Variants in GLYATL2 observed in about 807,000 individuals in gnomAD.
GLYATL2 encodes the protein glycine-N-acyltransferase like 2, also known as glycine N-acyltransferase-like protein 2.
In GLYATL2, 25 loss-of-function variants were observed where a neutral mutation model predicts 21.4. That is an observed-to-expected ratio of 1.17 (90% confidence interval 0.85 to 1.63). GLYATL2 has a LOEUF of 1.63. Ranked by LOEUF, GLYATL2 falls within the 40% of genes most tolerant of loss-of-function variation. The pLI is 0.00. For missense variants in GLYATL2, 361 were observed against 343.3 expected, an observed-to-expected ratio of 1.05 and a Z score of -0.41; for synonymous variants, 114 against 118.2, an observed-to-expected ratio of 0.96 and a Z score of 0.23.
chr11:58,837,497 C>T (rs1262900531), intron 3 of GLYATL2, 100 bp from the exon 4 acceptor site: 5 of 1,168,458 alleles, frequency 4.3e-6, no homozygotes, highest in Admixed American at 4.2e-5. Context: ...TTGAAATATT[C>T]TGTTTTTCTG....
At chr11:58,863,179 G>T (rs1248658638) in intron 1 of GLYATL2, among the ~76,000 whole-genome samples, 10 of 152,214 alleles carry the variant, frequency 6.6e-5, no homozygotes, top group African/African-American at 2.4e-4. Context: ...AGGCAGGCAT[G>T]CAGCCTGTAC....
intron 1 of GLYATL2, chr11:58,885,528 A>C (rs1854421525): frequency 2.1e-6 from 1 of 472,922 alleles, no homozygotes; most frequent in Non-Finnish European, 4.3e-6. Context: ...GTTATTATCC[A>C]ACCACCAAAA....
chr11:58,868,139 C>G (rs888878294), intron 1 of GLYATL2, among the ~76,000 whole-genome samples: 2 of 148,984 alleles, frequency 1.3e-5, no homozygotes, highest in African/African-American at 4.8e-5. Context: ...TTGCCAGAAG[C>G]ATAGGCAGAC....
intron 1 of GLYATL2, among the ~76,000 whole-genome samples, chr11:58,873,068 A>G (rs1293788982): frequency 2.0e-5 from 3 of 151,584 alleles, no homozygotes; most frequent in African/African-American, 4.8e-5. Context: ...GATTTCACTC[A>G]TGATTTGGCT....
At chr11:58,905,288 A>T (rs1854835888), upstream of GLYATL2, 1 of 375,340 alleles carries the variant, frequency 2.7e-6, no homozygotes, top group Non-Finnish European at 5.3e-6. Flanking sequence ...TCTAGACCTC[A>T]CGCAGACGCG....
At chr11:58,890,760 ATC>A (rs1254271007) in intron 1 of GLYATL2, among the ~76,000 whole-genome samples, 1 of 151,326 alleles carries the variant, frequency 6.6e-6, no homozygotes, top group African/African-American at 2.4e-5. Context: ...TTCCGTTCTC[ATC>A]TCTCATACTC....
intron 1 of GLYATL2, among the ~76,000 whole-genome samples, chr11:58,867,019 G>A (rs922738536): frequency 1.3e-5 from 2 of 148,780 alleles, no homozygotes; most frequent in Non-Finnish European, 3.0e-5. Context: ...CAGCCCAGAG[G>A]CCCTTGACAC....
intron 1 of GLYATL2, among the ~76,000 whole-genome samples, chr11:58,853,127 C>T (rs757018641): frequency 5.3e-5 from 8 of 152,160 alleles, no homozygotes; most frequent in Non-Finnish European, 8.8e-5. Flanking sequence ...ATCTAAGTAA[C>T]GTTTCCTTTA....
intron 1 of GLYATL2, among the ~76,000 whole-genome samples, chr11:58,895,854 T>G (rs1854625433): frequency 6.7e-6 from 1 of 150,092 alleles, no homozygotes; most frequent in African/African-American, 2.5e-5. Context: ...ACATGGAGGT[T>G]TCCTCTTTTT....
intron 1 of GLYATL2, among the ~76,000 whole-genome samples, chr11:58,890,127 G>A (rs532028808): frequency 3.3e-5 from 5 of 152,150 alleles, no homozygotes; most frequent in Admixed American, 2.0e-4. Flanking sequence ...AGTCCACAGT[G>A]TCTATTGTTC....
rs377489659 is a variant in GLYATL2 at position 58,834,733 on chromosome 11, C to T, written c.581G>A (p.Arg194His). 25 of 1,613,682 alleles carry T rather than the reference C, an allele frequency of 1.5e-5. No individual in the cohort carries two copies. Among genetic ancestry groups the T allele is most frequent in the South Asian group, 1.2e-4 (11 of 91,064 alleles). Residue 194 changes from arginine (R) to histidine (H), a missense_variant, in exon 6 of 6, where the codon CGC (arginine) becomes CAC (histidine). Transcript: ENST00000287275. Reference sequence around the variant, plus strand: ...AAATCCTAGAAAATCCTGGAGGCAGCGTTCAATATATTTCAAGCTCCTCTC... The same window carrying T: ...AAATCCTAGAAAATCCTGGAGGCAGTGTTCAATATATTTCAAGCTCCTCTC... ...KNERSLKYIERCLQDFLGFGV... is the reference protein window; with the variant it reads ...KNERSLKYIEHCLQDFLGFGV...
intron 1 of GLYATL2, among the ~76,000 whole-genome samples, chr11:58,898,760 G>T (rs377061670): frequency 3.9e-5 from 6 of 152,030 alleles, no homozygotes; most frequent in Non-Finnish European, 8.8e-5. Flanking sequence ...GTGAACCTGG[G>T]AGGTGGAGCT....
chr11:58,880,602 G>A (rs548900573), intron 1 of GLYATL2, among the ~76,000 whole-genome samples: 4 of 152,172 alleles, frequency 2.6e-5, no homozygotes, highest in Admixed American at 2.6e-4. Flanking sequence ...AGTTAAATCA[G>A]GTGAGAAACA....
chr11:58,900,068 T>TA (rs1389290531), intron 1 of GLYATL2, among the ~76,000 whole-genome samples: 5 of 152,152 alleles, frequency 3.3e-5, no homozygotes, highest in Admixed American at 1.3e-4. Context: ...GTAAATCATT[T>TA]AAAAAAACCT....
chr11:58,881,998 G>A (rs568729222), intron 1 of GLYATL2, among the ~76,000 whole-genome samples: 50 of 152,296 alleles, frequency 3.3e-4, no homozygotes, highest in African/African-American at 1.2e-3. Flanking sequence ...CATTTGGGTT[G>A]ATTCCAAGTC....
At chr11:58,877,406 A>C (rs1291490156) in intron 1 of GLYATL2, among the ~76,000 whole-genome samples, 3 of 152,216 alleles carry the variant, frequency 2.0e-5, no homozygotes, top group Admixed American at 1.3e-4. Flanking sequence ...CTTTTCAGCC[A>C]TCTTGGCTCC....
chr11:58,877,751 C>G (rs1243207635), intron 1 of GLYATL2, among the ~76,000 whole-genome samples: 1 of 152,088 alleles, frequency 6.6e-6, no homozygotes, highest in East Asian at 1.9e-4. Context: ...GCAGCAAAAT[C>G]CCAATTAGAT....
At chr11:58,875,651 A>G (rs1378175590) in intron 1 of GLYATL2, among the ~76,000 whole-genome samples, 5 of 152,228 alleles carry the variant, frequency 3.3e-5, no homozygotes, top group Non-Finnish European at 5.9e-5. Context: ...GTTTCTGCCA[A>G]GAGATCAGCT....
chr11:58,839,927 C>T (rs539978541), intron 1 of GLYATL2, among the ~76,000 whole-genome samples: 9 of 152,054 alleles, frequency 5.9e-5, no homozygotes, highest in Admixed American at 6.6e-5. Flanking sequence ...TTGATTCAAA[C>T]CAGTAAAAGA....
Sources: allele counts gnomAD v4.1 joint callset (sites outside exome capture counted in the v4.1 genomes callset), GRCh38; gene constraint gnomAD v4.1.1; transcripts MANE v1.5; gene names NCBI Gene and HGNC (gene_info 2026-07-23, HGNC 2026-07-21).